KCNQ1: variants seen among roughly 807,000 people sequenced by gnomAD.
KCNQ1 encodes the protein potassium voltage-gated channel subfamily KQT member 1.
KCNQ1 carries 49 observed loss-of-function variants against 72.4 expected under a neutral mutation model. The ratio of observed to expected loss-of-function variants is 0.68; its 90% CI spans 0.54 to 0.86. The LOEUF is 0.86. Among genes scored for constraint, KCNQ1 ranks in the 40% least tolerant of loss-of-function variants. The pLI is 0.00. For synonymous variants in KCNQ1, 450 were observed against 412.6 expected (o/e 1.09, Z -1.10); for missense variants, 790 against 945.1 (o/e 0.84, Z 2.15).
rs758179623 is a variant in KCNQ1 at position 2,549,383 on chromosome 11, T to G, written c.478-21245T>G. 3.9e-5 allele frequency among the ~76,000 whole-genome samples: 6 copies of G among 152,052 alleles called. No individual in the cohort carries two copies. Among genetic ancestry groups the G allele is most frequent in the Non-Finnish European group, 8.8e-5 (6 of 67,982 alleles). ...TTGGCCGTCCTTGCCATCCTCGCCA[T>G]CCTCTCTCCACACATCTGACCTTTG... is the stretch of plus-strand genomic sequence containing the variant. On this transcript the variant is annotated intron_variant, in intron 2 of 15. Transcript: ENST00000155840. This position sits in a 1 kb window ranked among gnomAD's most constrained non-coding sequence, Gnocchi z 6.2.
chr11:2,523,751 GTTTTTTT>G (rs59766245), intron 1 of KCNQ1, among the ~76,000 whole-genome samples: 46 of 115,146 alleles, frequency 4.0e-4, no homozygotes, highest in Middle Eastern at 5.4e-3. Flanking sequence ...GAAGTTTACA[GTTTTTTT>G]TTTTTTTTTT....
intron 1 of KCNQ1, among the ~76,000 whole-genome samples, chr11:2,524,927 C>A (rs1484757680): frequency 1.3e-5 from 2 of 152,210 alleles, no homozygotes; most frequent in African/African-American, 4.8e-5. Flanking sequence ...CTGCCCCGGG[C>A]AGCCCGGCTC....
At position 2,768,197 on chromosome 11, in the gene KCNQ1, G is replaced by A. The variant is rs555228377; in HGVS notation, c.1515-647G>A. Among the ~76,000 whole-genome samples the A allele has an allele frequency of 2.6e-5, 4 of 152,328 alleles. No individual in the cohort carries two copies. The highest frequency in any genetic ancestry group is 9.6e-5 in the African/African-American group (4 of 41,572). The stretch of plus-strand genomic sequence containing the variant: ...GGGAATCTCCTGTGGCCTCCATGGC[G>A]CTGTGTTTTCTTCCAGTCTTTTTTC... On this transcript the variant is annotated intron_variant, in intron 11 of 15. Transcript: ENST00000155840. This position sits in a 1 kb window ranked among gnomAD's most constrained non-coding sequence, Gnocchi z 6.7.
Position 2,485,864 on chromosome 11 carries a change from C to G in KCNQ1, c.386+40380C>G, listed in dbSNP as rs980300605. ...AGTTCACTCATGCTGTAGCATGTGT[C>G]AGAATTTCCTTTTCCTTTTCAAGGC... is the stretch of plus-strand genomic sequence containing the variant. On this transcript the variant is annotated intron_variant, in intron 1 of 15. Transcript: ENST00000155840. Among the ~76,000 whole-genome samples, 3 of 152,210 alleles carry G rather than the reference C, an allele frequency of 2.0e-5. No homozygotes were observed. The East Asian group carries it at 5.8e-4, about 29-fold the overall frequency.
intron 15 of KCNQ1, among the ~76,000 whole-genome samples, chr11:2,780,863 C>T (rs562708083): frequency 1.6e-4 from 24 of 152,288 alleles, no homozygotes; most frequent in South Asian, 1.0e-3. Flanking sequence ...CCTGCGGGCT[C>T]GTCAAAACTC....
chr11:2,678,413 C>G lies in KCNQ1; in HGVS notation c.1514+16332C>G, dbSNP rs938915543. The G allele has an allele frequency of 5.0e-6, 2 of 398,456 alleles. No homozygotes were observed. The highest frequency in any genetic ancestry group is 4.1e-5 in the African/African-American group (2 of 48,620). 24.7% of individuals were successfully genotyped at this position (398,456 alleles called of 1,614,324 possible). On this transcript the variant is annotated intron_variant, in intron 11 of 15. Coordinates refer to ENST00000155840, the MANE Select transcript of KCNQ1 (RefSeq NM_000218.3). The surrounding 1 kb of genome is among the most constrained non-coding windows in gnomAD (Gnocchi z 4.9). ...CATATATTTGTCCAGTTGTCCAACA[C>G]TATTTATTTGAGTACATCATCATCT... is the stretch of plus-strand genomic sequence containing the variant.
At chr11:2,786,233 T>C (rs1846910094) in intron 15 of KCNQ1, among the ~76,000 whole-genome samples, 1 of 152,264 alleles carries the variant, frequency 6.6e-6, no homozygotes, top group African/African-American at 2.4e-5. Flanking sequence ...TTATCAAAAT[T>C]CTTTTTTCTT....
At chr11:2,667,086 C>T (rs1850087759) in intron 11 of KCNQ1, 1 of 398,482 alleles carries the variant, frequency 2.5e-6, no homozygotes, top group Non-Finnish European at 4.4e-6. Context: ...ATTAAATGTT[C>T]TTCTAATTAA....
chr11:2,757,852 A>C (rs968888604), intron 11 of KCNQ1, among the ~76,000 whole-genome samples: 1 of 152,256 alleles, frequency 6.6e-6, no homozygotes, highest in African/African-American at 2.4e-5. Flanking sequence ...TTGGTCATTC[A>C]TAGGCCAAAT....
chr11:2,690,144 C>T lies in KCNQ1; in HGVS notation c.1514+28063C>T, dbSNP rs573760229. On this transcript the variant is annotated intron_variant, in intron 11 of 15. Transcript: ENST00000155840. This position sits in a 1 kb window ranked among gnomAD's most constrained non-coding sequence, Gnocchi z 5.1. Reference sequence around the variant, plus strand: ...GGGAGCAGGGACAAAAAGCGGGCAGCCCTCCCCAGCATGACAGGATGTGGA... The same window carrying T: ...GGGAGCAGGGACAAAAAGCGGGCAGTCCTCCCCAGCATGACAGGATGTGGA... 3.5e-5 allele frequency: 14 copies of T among 398,780 alleles called. No homozygotes were observed. Among genetic ancestry groups the T allele is most frequent in the Non-Finnish European group, 6.2e-5 (14 of 226,314 alleles). The allele number at this position is 398,780 out of a possible 1,614,324, so 24.7% of individuals were successfully genotyped here.
chr11:2,715,604 C>T lies in KCNQ1; in HGVS notation c.1515-53240C>T, dbSNP rs1212084191. Among the ~76,000 whole-genome samples the T allele has an allele frequency of 1.3e-5, 2 of 152,142 alleles. No individual in the cohort carries two copies. Among genetic ancestry groups the T allele is most frequent in the African/African-American group, 4.8e-5 (2 of 41,418 alleles). On this transcript the variant is annotated intron_variant, in intron 11 of 15. Coordinates refer to ENST00000155840, the MANE Select transcript of KCNQ1 (RefSeq NM_000218.3). This position sits in a 1 kb window ranked among gnomAD's most constrained non-coding sequence, Gnocchi z 4.9. ...ACCCCTGCTGGGGTCCCCTGGGACC[C>T]ATCCTTCCAAGCCCCTGCCAGCCTT...
chr11:2,765,495 A>G (rs1434785810), intron 11 of KCNQ1, among the ~76,000 whole-genome samples: 2 of 152,198 alleles, frequency 1.3e-5, no homozygotes, highest in African/African-American at 2.4e-5. Context: ...TGTTCTGTAT[A>G]TGTCAAGTTG....
At chr11:2,648,928 A>G (rs1459721246) in intron 10 of KCNQ1, 1 of 396,404 alleles carries the variant, frequency 2.5e-6, no homozygotes, top group African/African-American at 2.1e-5. Flanking sequence ...CTTCTTGCTG[A>G]ATTGATCCAT....
At chr11:2,672,235 C>G in intron 11 of KCNQ1, 1 of 398,660 alleles carries the variant, frequency 2.5e-6, no homozygotes, top group Non-Finnish European at 4.4e-6. Context: ...CCAAAATACT[C>G]AAATGCTTTT....
At position 2,593,659 on chromosome 11, in the gene KCNQ1, G is replaced by T. The variant is rs539797934; in HGVS notation, c.1393+4805G>T. Among the ~76,000 whole-genome samples the T allele has an allele frequency of 6.6e-6, 1 of 152,290 alleles. No homozygotes were observed. The highest frequency in any genetic ancestry group is 2.4e-5 in the African/African-American group (1 of 41,550). On this transcript the variant is annotated intron_variant, in intron 10 of 15. Coordinates refer to ENST00000155840, the MANE Select transcript of KCNQ1 (RefSeq NM_000218.3). This position sits in a 1 kb window ranked among gnomAD's most constrained non-coding sequence, Gnocchi z 6.9. The stretch of plus-strand genomic sequence containing the variant: ...CTGGGGACTCATCGTTCACACTCGT[G>T]TGTGTGCTTTCTGGAGGCATGCGTC...
At position 2,724,227 on chromosome 11, in the gene KCNQ1, C is replaced by T. The variant is rs1489638592; in HGVS notation, c.1515-44617C>T. Among the ~76,000 whole-genome samples, 1 of 152,194 alleles carries T rather than the reference C, an allele frequency of 6.6e-6. No homozygotes were observed. Among genetic ancestry groups the T allele is most frequent in the Admixed American group, 6.5e-5 (1 of 15,282 alleles). On this transcript the variant is annotated intron_variant, in intron 11 of 15. Transcript: ENST00000155840. The surrounding 1 kb of genome is among the most constrained non-coding windows in gnomAD (Gnocchi z 6.8). ...GGCTCAGATGATATACAGTCCTCCT[C>T]CCGGCTCAGGACCCCTTTGCGGTGT...
At chr11:2,714,564 G>A (rs1275739723) in intron 11 of KCNQ1, among the ~76,000 whole-genome samples, 1 of 151,958 alleles carries the variant, frequency 6.6e-6, no homozygotes, top group Non-Finnish European at 1.5e-5. Flanking sequence ...ACAGCTGCAG[G>A]GAGTGTTGGG....
At chr11:2,646,311 T>G in intron 10 of KCNQ1, 1 of 398,648 alleles carries the variant, frequency 2.5e-6, no homozygotes, top group Non-Finnish European at 4.4e-6. Flanking sequence ...TATGATCATT[T>G]TAACATTTTT....
At chr11:2,502,837 C>T (rs975186676) in intron 1 of KCNQ1, among the ~76,000 whole-genome samples, 12 of 152,130 alleles carry the variant, frequency 7.9e-5, no homozygotes, top group African/African-American at 2.4e-4. Context: ...AAAACAGACA[C>T]GTAGACCAAT....
Sources: gnomAD v4.1 joint callset for allele counts (sites outside exome capture counted in the v4.1 genomes callset) on GRCh38, gnomAD v4.1.1 for gene constraint, Gnocchi (gnomAD v3.1) non-coding constraint, MANE v1.5 for transcripts, NCBI Gene and HGNC (gene_info 2026-07-23, HGNC 2026-07-21) for gene names.